Variants in EFS observed in about 807,000 individuals in gnomAD.
EFS encodes the protein embryonal Fyn-associated substrate.
Under a neutral mutation model 42.2 loss-of-function variants are expected in EFS, and 34 were observed. The ratio of observed to expected loss-of-function variants is 0.81; its 90% CI spans 0.61 to 1.07. EFS has a LOEUF of 1.07. EFS is among the 50% of genes least tolerant of loss of function. The pLI, the probability that EFS is intolerant of heterozygous loss-of-function variation, is 0.00. For missense variants in EFS, 717 were observed against 729.4 expected (o/e 0.98, Z 0.20); for synonymous variants, 299 against 320.7 (o/e 0.93, Z 0.72).
rs923216438 is a variant in EFS, at chr14:23,357,348, C to T, written c.1564G>A (p.Val522Ile). The change falls in exon 6 of 6, where the codon GTC becomes ATC. Residue 522 changes from valine (V) to isoleucine (I), a missense_variant. Val to Ile is a conservative substitution (Grantham distance 29, BLOSUM62 3). Transcript: ENST00000216733. ...GQALRATVLA[V>I]KGAALGYPSS... ...GGGTAGCCCAGGGCAGCTCCCTTGACAGCCAGCACAGTGGCCCGCAATGCC... is the reference window on the plus strand; with the variant it reads ...GGGTAGCCCAGGGCAGCTCCCTTGATAGCCAGCACAGTGGCCCGCAATGCC... 3.1e-5 allele frequency: 50 copies of T among 1,611,402 alleles called. No individual in the cohort carries two copies. The highest frequency in any genetic ancestry group is 4.2e-5 in the Non-Finnish European group (49 of 1,178,106).
At position 23,357,507 on chromosome 14, in the gene EFS, G is replaced by T. The variant is rs1032554228; in HGVS notation, c.1405C>A (p.Leu469Ile). 3 of 1,614,006 alleles carry T rather than the reference G, an allele frequency of 1.9e-6. No individual in the cohort carries two copies. The change falls in exon 6 of 6, where the codon CTT becomes ATT. Residue 469 changes from leucine to isoleucine, a missense_variant. By Grantham distance (5) the Leu-to-Ile change is conservative. Transcript: ENST00000216733. The part of the protein sequence containing the change: ...SSTQANQPPR[L>I]FVPHSKRVVV... ...ACCCTCTTGCTGTGGGGCACGAAAA[G>T]GCGCGGGGGCTGATTAGCCTGGGTA...
intron 4 of EFS, 71 bp from the exon 5 acceptor site, chr14:23,359,036 C>T (rs1890024386): frequency 7.2e-6 from 10 of 1,397,798 alleles, no homozygotes; most frequent in Non-Finnish European, 9.7e-7. Flanking sequence ...GGCCTTTCTG[C>T]CCCTTCCCCG....
At position 23,360,034 on chromosome 14, in the gene EFS, G is replaced by T; in HGVS notation, c.444C>A (p.Tyr148Ter). 1 of 1,612,790 alleles carries T rather than the reference G, an allele frequency of 6.2e-7. No homozygotes were observed. The highest frequency in any genetic ancestry group is 2.2e-5 in the East Asian group (1 of 44,876). ...LAAPRDALEV[Y>*]DVPPTALRVP... ...CCCGGAGGGCGGTGGGGGGCACATC[G>T]TAGACCTGCGGAAAGGAGTGGTCAG... The change falls in exon 4 of 6, where the codon TAC becomes TAA. Residue 148 changes from tyrosine (Y) to a stop codon, truncating the protein, a stop_gained. Coordinates refer to ENST00000216733, the MANE Select transcript of EFS (RefSeq NM_005864.4). LOFTEE classifies it high-confidence loss of function.
At chr14:23,363,159 C>G (rs1433281462) in intron 1 of EFS, among the ~76,000 whole-genome samples, 1 of 152,020 alleles carries the variant, frequency 6.6e-6, no homozygotes, top group South Asian at 2.1e-4. Context: ...ATGATCCGCC[C>G]GCCTCTGCCT....
At chr14:23,359,097 T>C in intron 4 of EFS, 132 bp from the exon 5 acceptor site, 4 of 1,122,018 alleles carry the variant, frequency 3.6e-6, no homozygotes, top group African/African-American at 1.6e-5. Flanking sequence ...TGTAGTCCCT[T>C]GACTCCAGAG....
At chr14:23,357,766 C>G (rs1029998383) in intron 5 of EFS, 106 bp from the exon 6 acceptor site, 3 of 964,844 alleles carry the variant, frequency 3.1e-6, no homozygotes, top group Non-Finnish European at 4.4e-6. Flanking sequence ...ATCCTTTTAG[C>G]TCTTACCTCT....
intron 1 of EFS, among the ~76,000 whole-genome samples, chr14:23,364,488 T>G (rs1423453580): frequency 1.3e-5 from 2 of 152,096 alleles, no homozygotes; most frequent in Admixed American, 1.3e-4. Context: ...TGACATCACC[T>G]CCCCTCCTCC....
Position 23,359,430 on chromosome 14 carries a change from G to A in EFS, c.1048C>T (p.Pro350Ser). ...PPPRLPGYGG[P>S]KVEGDPEGRE... Reference sequence around the variant, plus strand: ...CCCTCTGGATCCCCCTCGACCTTGGGGCCTCCATAACCAGGCAGGCGGGGT... The same window carrying A: ...CCCTCTGGATCCCCCTCGACCTTGGAGCCTCCATAACCAGGCAGGCGGGGT... Residue 350 changes from proline to serine, a missense_variant, in exon 4 of 6, where the codon CCC becomes TCC. Transcript: ENST00000216733. 1 of 1,610,088 alleles carries A rather than the reference G, an allele frequency of 6.2e-7. No homozygotes were observed. The highest frequency in any genetic ancestry group is 8.5e-7 in the Non-Finnish European group (1 of 1,178,884).
At position 23,359,828 on chromosome 14, in the gene EFS, T is replaced by G; in HGVS notation, c.650A>C (p.Tyr217Ser). Residue 217 changes from tyrosine to serine, a missense_variant, in exon 4 of 6, where the codon TAT becomes TCT. By Grantham distance (144) the Tyr-to-Ser change is moderately radical (BLOSUM62 -2). Coordinates refer to ENST00000216733, the MANE Select transcript of EFS (RefSeq NM_005864.4). ...EGGREPGPPI[Y>S]AAPSNLKRAS... ...TCGTTTCAGGTTGGAGGGGGCAGCATAGATGGGGGGCCCCGGCTCCCGGCC... is the reference window on the plus strand; with the variant it reads ...TCGTTTCAGGTTGGAGGGGGCAGCAGAGATGGGGGGCCCCGGCTCCCGGCC... 6.6e-7 allele frequency: 1 copy of G among 1,526,044 alleles called. No individual in the cohort carries two copies. Among genetic ancestry groups the G allele is most frequent in the Non-Finnish European group, 8.8e-7 (1 of 1,139,956 alleles). The allele number at this position is 1,526,044 out of a possible 1,614,324, so 94.5% of individuals were successfully genotyped here.
chr14:23,361,830 T>TTAC (rs1418442920), intron 1 of EFS, among the ~76,000 whole-genome samples: 1 of 152,182 alleles, frequency 6.6e-6, no homozygotes, highest in East Asian at 1.9e-4. Flanking sequence ...CACAACAACC[T>TTAC]TACGAGGGAG....
Position 23,359,447 on chromosome 14 carries a change from A to C in EFS, c.1031T>G (p.Leu344Arg). 8.7e-6 allele frequency: 7 copies of C among 808,564 alleles called. No individual in the cohort carries two copies. Among genetic ancestry groups the C allele is most frequent in the Non-Finnish European group, 1.2e-5 (7 of 569,064 alleles). The allele number at this position is 808,564 out of a possible 1,614,324, so 50.1% of individuals were successfully genotyped here. A position where few individuals can be genotyped will look rare whatever the true frequency, so the allele number is the denominator to read the frequency against. Residue 344 changes from leucine (L) to arginine (R), a missense_variant, in exon 4 of 6, where the codon CTG (leucine) becomes CGG (arginine). Physicochemically the swap from Leu to Arg is moderately radical, Grantham distance 102 (BLOSUM62 -2). Transcript: ENST00000216733. Reference protein sequence around the residue: ...DRPLPPPPPRLPGYGGPKVEG... With the variant: ...DRPLPPPPPRRPGYGGPKVEG... ...GACCTTGGGGCCTCCATAACCAGGC[A>C]GGCGGGGTGGGGGTGGGGGCAGAGG...
rs983574298 is a variant in EFS, at chr14:23,365,156, G to T, written c.-131C>A. ...CGCCTGAGTCGTGGCCTCCGCCAAGGTTGGAGGAGGAGAAAGAAAACCCAC... is the reference window on the plus strand; with the variant it reads ...CGCCTGAGTCGTGGCCTCCGCCAAGTTTGGAGGAGGAGAAAGAAAACCCAC... On this transcript the variant is annotated 5_prime_UTR_variant, in exon 1 of 6. Transcript: ENST00000216733. The surrounding 1 kb of genome is among the most constrained non-coding windows in gnomAD (Gnocchi z 5.3). 1.0e-5 allele frequency: 8 copies of T among 803,196 alleles called. No homozygotes were observed. The highest frequency in any genetic ancestry group is 1.3e-4 in the South Asian group (2 of 15,820). The allele number at this position is 803,196 out of a possible 1,614,324, so 49.8% of individuals were successfully genotyped here.
intron 1 of EFS, among the ~76,000 whole-genome samples, chr14:23,362,344 A>G (rs1184967416): frequency 6.6e-6 from 1 of 152,180 alleles, no homozygotes; most frequent in Non-Finnish European, 1.5e-5. Context: ...AAAAAATCTC[A>G]AAGTTAAAGA....
rs927431117 is a variant in EFS at position 23,356,950 on chromosome 14, G to A, written c.*276C>T. On this transcript the variant is annotated 3_prime_UTR_variant, in exon 6 of 6. Coordinates refer to ENST00000216733, the MANE Select transcript of EFS (RefSeq NM_005864.4). ...CCTCCACCCTAGGCTGAGGAGAGAA[G>A]GATCTAGTTCCTCACTGCCCCAGAG... 4 of 274,662 alleles carry A rather than the reference G, an allele frequency of 1.5e-5. No homozygotes were observed. Among genetic ancestry groups the A allele is most frequent in the African/African-American group, 8.7e-5 (4 of 45,806 alleles). 17.0% of individuals were successfully genotyped at this position (274,662 alleles called of 1,614,324 possible).
chr14:23,364,560 G>A (rs996715860), intron 1 of EFS, among the ~76,000 whole-genome samples: 15 of 151,402 alleles, frequency 9.9e-5, no homozygotes, highest in Non-Finnish European at 1.2e-4. Flanking sequence ...CTTATCCCTC[G>A]TCTCGAGATG....
intron 1 of EFS, among the ~76,000 whole-genome samples, chr14:23,364,451 C>A (rs991796755): frequency 6.6e-6 from 1 of 152,200 alleles, no homozygotes; most frequent in African/African-American, 2.4e-5. Flanking sequence ...TTGTCCCGAT[C>A]CCTGGAAAGT....
chr14:23,364,718 T>C (rs556868446), intron 1 of EFS, among the ~76,000 whole-genome samples: 12 of 151,924 alleles, frequency 7.9e-5, no homozygotes, highest in African/African-American at 2.7e-4. Context: ...AAGGAGCAGA[T>C]AGGACTCGGG....
chr14:23,360,456 C>G, intron 2 of EFS, 99 bp downstream of exon 2: 2 of 1,497,974 alleles, frequency 1.3e-6, no homozygotes, highest in East Asian at 2.3e-5. Flanking sequence ...GCTGTGGCCT[C>G]AGGGCTCTTC....
chr14:23,362,418 A>G (rs1322458856), intron 1 of EFS, among the ~76,000 whole-genome samples: 3 of 152,194 alleles, frequency 2.0e-5, no homozygotes, highest in South Asian at 2.1e-4. Flanking sequence ...GCAGGAGTGC[A>G]TATTCCTCTT....
Sources: gnomAD v4.1 joint callset for allele counts (sites outside exome capture counted in the v4.1 genomes callset) on GRCh38, gnomAD v4.1.1 for gene constraint, Gnocchi (gnomAD v3.1) non-coding constraint, MANE v1.5 for transcripts, NCBI Gene and HGNC (gene_info 2026-07-23, HGNC 2026-07-21) for gene names.